Variants in PTPRD observed in about 807,000 individuals in gnomAD.
PTPRD encodes protein tyrosine phosphatase receptor type D.
In PTPRD, 34 loss-of-function variants were observed where a neutral mutation model predicts 214.5. That is an observed-to-expected ratio of 0.16 (90% confidence interval 0.12 to 0.21). The LOEUF (loss-of-function observed/expected upper bound fraction) is 0.21, where lower values mean the gene tolerates loss of function less well. Ranked by LOEUF, PTPRD falls within the 10% of genes least tolerant of loss-of-function variation. PTPRD has a pLI of 1.00. For synonymous variants in PTPRD, 1,128 were observed against 845.7 expected (o/e 1.33, Z -5.79); for missense variants, 2,545 against 2,398.7 (o/e 1.06, Z -1.27).
At chr9:9,015,563 TG>T (rs1487897929) in intron 11 of PTPRD, among the ~76,000 whole-genome samples, 1 of 152,196 alleles carries the variant, frequency 6.6e-6, no homozygotes, top group Non-Finnish European at 1.5e-5. Flanking sequence ...GCTCTGTCTA[TG>T]GAGTAGCCAT....
chr9:10,330,534 T>G (rs2096729970), intron 3 of PTPRD, among the ~76,000 whole-genome samples: 1 of 151,876 alleles, frequency 6.6e-6, no homozygotes, highest in African/African-American at 2.4e-5. Context: ...AGGGTATCAA[T>G]ATTTTAAAGT....
At chr9:8,672,654 T>C (rs961116340) in intron 12 of PTPRD, among the ~76,000 whole-genome samples, 1 of 152,088 alleles carries the variant, frequency 6.6e-6, no homozygotes, top group African/African-American at 2.4e-5. Context: ...TTAAATACTC[T>C]TAGGAAAGCA....
At chr9:10,591,754 T>C (rs1221729134) in intron 2 of PTPRD, among the ~76,000 whole-genome samples, 4 of 152,042 alleles carry the variant, frequency 2.6e-5, no homozygotes, top group Non-Finnish European at 4.4e-5. Flanking sequence ...AGTGACTCAA[T>C]TCTCCTGAGG....
Position 10,491,241 on chromosome 9 carries a change from G to A in PTPRD, c.-600+121157C>T, listed in dbSNP as rs534125017. Among the ~76,000 whole-genome samples, 10 of 152,156 alleles carry A rather than the reference G, an allele frequency of 6.6e-5. No individual in the cohort carries two copies. In the South Asian group the frequency reaches 1.0e-3, roughly 16 times the overall value. ...TCATTCTTATATTGAAAAATGCAAC[G>A]TATAATCACATATTATTAGCTTATA... is the stretch of plus-strand genomic sequence containing the variant. On this transcript the variant is annotated intron_variant, in intron 2 of 45. Coordinates refer to ENST00000381196, the MANE Select transcript of PTPRD (RefSeq NM_002839.4).
chr9:9,129,258 C>T (rs187414303), intron 10 of PTPRD, among the ~76,000 whole-genome samples: 10 of 152,170 alleles, frequency 6.6e-5, no homozygotes, highest in Admixed American at 2.6e-4. Flanking sequence ...GGCATGGTAG[C>T]GGGCGGCTGT....
chr9:10,420,389 C>T (rs2098534931), intron 2 of PTPRD, among the ~76,000 whole-genome samples: 1 of 151,810 alleles, frequency 6.6e-6, no homozygotes, highest in Non-Finnish European at 1.5e-5. Context: ...CTTTCATTTT[C>T]ATAGGACATA....
At chr9:8,590,109 T>C (rs954238917) in intron 14 of PTPRD, among the ~76,000 whole-genome samples, 8 of 152,114 alleles carry the variant, frequency 5.3e-5, no homozygotes, top group Non-Finnish European at 1.2e-4. Flanking sequence ...CTATACAATC[T>C]GTATAGATAT....
At chr9:10,583,103 G>A (rs888550894) in intron 2 of PTPRD, among the ~76,000 whole-genome samples, 2 of 152,208 alleles carry the variant, frequency 1.3e-5, no homozygotes, top group East Asian at 1.9e-4. Context: ...GAGGTGAAGA[G>A]TTGGGTGATG....
At chr9:8,854,933 T>G (rs67634238) in intron 11 of PTPRD, among the ~76,000 whole-genome samples, 49,269 of 151,998 alleles carry the variant, frequency 0.32, 9,037 homozygotes, top group East Asian at 0.44. Flanking sequence ...CACTGAGAAC[T>G]GGAATCACAT....
At chr9:8,902,280 C>A (rs1279004556) in intron 11 of PTPRD, among the ~76,000 whole-genome samples, 2 of 152,048 alleles carry the variant, frequency 1.3e-5, no homozygotes, top group Non-Finnish European at 1.5e-5. Flanking sequence ...GCAATGCACA[C>A]CTCATGACCC....
rs181624144 is a variant in PTPRD, at chr9:9,470,688, C to G, written c.-236-73206G>C. Among the ~76,000 whole-genome samples the G allele has an allele frequency of 2.3e-4, 35 of 152,244 alleles. 1 individual carries two copies. Among genetic ancestry groups the G allele is most frequent in the African/African-American group, 8.2e-4 (34 of 41,546 alleles). ...ATTCAAGTGAAGAAATCTACATTCT[C>G]TACTACCTTAATAAATTGCCATATG... On this transcript the variant is annotated intron_variant, in intron 8 of 45. Transcript: ENST00000381196.
chr9:10,351,415 C>T (rs2097180221), intron 2 of PTPRD, among the ~76,000 whole-genome samples: 2 of 152,036 alleles, frequency 1.3e-5, no homozygotes, highest in Admixed American at 6.6e-5. Context: ...TTAAGAGTCA[C>T]ATACACACAT....
At chr9:9,503,145 A>C (rs2096472363) in intron 8 of PTPRD, among the ~76,000 whole-genome samples, 1 of 151,864 alleles carries the variant, frequency 6.6e-6, no homozygotes, top group Non-Finnish European at 1.5e-5. Flanking sequence ...TAGTTGTTTT[A>C]AATGTATCTT....
rs538915322 is a variant in PTPRD, at chr9:10,039,029, C to T, written c.-544-5239G>A. On this transcript the variant is annotated intron_variant, in intron 3 of 45. Coordinates refer to ENST00000381196, the MANE Select transcript of PTPRD (RefSeq NM_002839.4). The stretch of plus-strand genomic sequence containing the variant: ...AAATGTATGACTATGAAAAAAGTTA[C>T]CCTAAATGCCATCTTAGTTTTTAAT... Among the ~76,000 whole-genome samples the T allele has an allele frequency of 1.5e-4, 23 of 152,116 alleles. No individual in the cohort carries two copies. In the East Asian group the frequency reaches 3.5e-3, roughly 23 times the overall value.
At chr9:9,700,230 G>C (rs1160463304) in intron 7 of PTPRD, among the ~76,000 whole-genome samples, 1 of 152,010 alleles carries the variant, frequency 6.6e-6, no homozygotes, top group East Asian at 1.9e-4. Flanking sequence ...CTACATAAAA[G>C]TGGAATTATT....
chr9:9,644,863 C>T (rs1222445532), intron 7 of PTPRD, among the ~76,000 whole-genome samples: 3 of 152,114 alleles, frequency 2.0e-5, no homozygotes, highest in African/African-American at 7.2e-5. Context: ...TCCCACTTCA[C>T]CCCCTTTCCA....
chr9:8,823,178 C>T (rs542986747), intron 11 of PTPRD, among the ~76,000 whole-genome samples: 49 of 152,200 alleles, frequency 3.2e-4, no homozygotes, highest in African/African-American at 1.1e-3. Context: ...CCACTTGGGC[C>T]TGTTCTTTCT....
chr9:10,260,426 TAC>T (rs748117059), intron 3 of PTPRD, among the ~76,000 whole-genome samples: 6 of 152,182 alleles, frequency 3.9e-5, no homozygotes, highest in Non-Finnish European at 8.8e-5. Flanking sequence ...TGTCAACAGA[TAC>T]AGAGTTTCCC....
intron 2 of PTPRD, among the ~76,000 whole-genome samples, chr9:10,388,532 A>C (rs1231386590): frequency 6.6e-6 from 1 of 151,742 alleles, no homozygotes; most frequent in Non-Finnish European, 1.5e-5. Context: ...TAATCAGTAC[A>C]ACTAATAAAC....
Sources: gnomAD v4.1 joint callset for allele counts (sites outside exome capture counted in the v4.1 genomes callset) on GRCh38, gnomAD v4.1.1 for gene constraint, MANE v1.5 for transcripts, NCBI Gene and HGNC (gene_info 2026-07-23, HGNC 2026-07-21) for gene names.